SMIM36: variants seen among roughly 807,000 people sequenced by gnomAD.
SMIM36 encodes small integral membrane protein 36.
At chr17:55,484,949 G>A (rs1909579981) in intron 1 of SMIM36, among the ~76,000 whole-genome samples, 1 of 152,190 alleles carries the variant, frequency 6.6e-6, no homozygotes, top group Non-Finnish European at 1.5e-5. Flanking sequence ...ACCAGGTTTG[G>A]ATTCTGATTT....
At position 55,501,161 on chromosome 17, in the gene SMIM36, A is replaced by ATTATATTTTATG. The variant is rs1909938740; in HGVS notation, c.*174+9717_*174+9718insCATAAAATATAA. 4.6e-5 allele frequency among the ~76,000 whole-genome samples: 4 copies of ATTATATTTTATG among 86,374 alleles called. 2 individuals carry two copies. The highest frequency in any genetic ancestry group is 3.9e-4 in the Admixed American group (2 of 5,146). 56.7% of individuals were successfully genotyped at this position (86,374 alleles called of 152,430 possible). Reference sequence around the variant, plus strand: ...ATATATCTTATATTTTATAATATATAATATATCTTATATATTATAATATAT... The same window carrying ATTATATTTTATG: ...ATATATCTTATATTTTATAATATATATTATATTTTATGATATATCTTATATATTATAATATAT... On this transcript the variant is annotated intron_variant, in intron 1 of 4. Coordinates refer to ENST00000636752, the Ensembl canonical transcript of SMIM36.
chr17:55,452,866 T>C (rs1157287017), intron 4 of SMIM36, among the ~76,000 whole-genome samples: 1 of 152,182 alleles, frequency 6.6e-6, no homozygotes, highest in Non-Finnish European at 1.5e-5. Context: ...TAAATAAATT[T>C]TTTAAAAACC....
chr17:55,449,911 T>A (rs1908875926), exon 5 of SMIM36: 1 of 152,214 alleles, frequency 6.6e-6, no homozygotes. Context: ...GATAGATAGA[T>A]GCAATGGATT....
At chr17:55,530,650 G>A in the SMIM36 span, among the ~76,000 whole-genome samples, 27 of 152,118 alleles carry the variant, frequency 1.8e-4, no homozygotes, top group Non-Finnish European at 3.7e-4. Context: ...AGGCATGGTG[G>A]CGGGCGCCTG....
At chr17:55,510,666 T>C (rs1910163405) in intron 1 of SMIM36, among the ~76,000 whole-genome samples, 1 of 152,158 alleles carries the variant, frequency 6.6e-6, no homozygotes, top group Non-Finnish European at 1.5e-5. Context: ...TAGACTAGAC[T>C]GGAGTTAGTC....
At chr17:55,469,214 T>A (rs563209831) in intron 3 of SMIM36, among the ~76,000 whole-genome samples, 1 of 152,168 alleles carries the variant, frequency 6.6e-6, no homozygotes, top group Admixed American at 6.5e-5. Context: ...CCTCCCCTCC[T>A]TACACCCAGT....
intron 1 of SMIM36, among the ~76,000 whole-genome samples, chr17:55,500,149 C>T (rs574005628): frequency 5.3e-5 from 8 of 151,946 alleles, no homozygotes; most frequent in African/African-American, 1.4e-4. Context: ...GAGACAGGGC[C>T]GTGCTCTGTT....
At chr17:55,472,901 A>C (rs892664361) in intron 3 of SMIM36, among the ~76,000 whole-genome samples, 1 of 151,600 alleles carries the variant, frequency 6.6e-6, no homozygotes, top group African/African-American at 2.4e-5. Flanking sequence ...AGAAAAAAGA[A>C]AATGCCTCTG....
At chr17:55,512,938 C>G (rs1048846711), upstream of SMIM36, among the ~76,000 whole-genome samples, 5 of 152,172 alleles carry the variant, frequency 3.3e-5, no homozygotes, top group African/African-American at 4.8e-5. Context: ...CCATGGGAAC[C>G]TGAGCATTTG....
At chr17:55,494,947 C>T (rs1239000488) in intron 1 of SMIM36, among the ~76,000 whole-genome samples, 1 of 152,156 alleles carries the variant, frequency 6.6e-6, no homozygotes, top group Non-Finnish European at 1.5e-5. Flanking sequence ...GGGAAGATGA[C>T]ATTACCTCTC....
intron 1 of SMIM36, among the ~76,000 whole-genome samples, chr17:55,484,707 G>C (rs1909575857): frequency 6.6e-6 from 1 of 152,214 alleles, no homozygotes; most frequent in African/African-American, 2.4e-5. Flanking sequence ...AACTCCCAAT[G>C]GGTAGGCAAC....
At chr17:55,502,139 G>T (rs1247129825) in intron 1 of SMIM36, among the ~76,000 whole-genome samples, 1 of 150,282 alleles carries the variant, frequency 6.7e-6, no homozygotes, top group Admixed American at 6.6e-5. Flanking sequence ...CGGCAGCGAG[G>T]CTGGGGGAGG....
the SMIM36 span, among the ~76,000 whole-genome samples, chr17:55,526,237 G>T: frequency 7.9e-5 from 12 of 152,054 alleles, no homozygotes; most frequent in Admixed American, 3.3e-4. Context: ...TCCACCTCCC[G>T]GCTTCAGGCG....
At chr17:55,524,686 T>C in the SMIM36 span, among the ~76,000 whole-genome samples, 1 of 152,240 alleles carries the variant, frequency 6.6e-6, no homozygotes, top group East Asian at 1.9e-4. Context: ...TTTCTAAGGG[T>C]CCAGTTGTTT....
intron 1 of SMIM36, among the ~76,000 whole-genome samples, chr17:55,493,275 T>G (rs1909744465): frequency 6.6e-6 from 1 of 152,186 alleles, no homozygotes; most frequent in Non-Finnish European, 1.5e-5. Flanking sequence ...TGTTGTTAAT[T>G]AACTCCACTC....
intron 3 of SMIM36, among the ~76,000 whole-genome samples, chr17:55,475,407 C>T (rs1320343327): frequency 2.0e-5 from 3 of 152,034 alleles, no homozygotes; most frequent in Non-Finnish European, 2.9e-5. Flanking sequence ...CGTTCTTATG[C>T]CACCCTCTAA....
the SMIM36 span, among the ~76,000 whole-genome samples, chr17:55,529,329 A>G: frequency 3.2e-3 from 494 of 152,324 alleles, 7 homozygotes; most frequent in South Asian, 0.019. Flanking sequence ...AATATTTCAT[A>G]CTATATATCC....
At chr17:55,477,604 T>C (rs1909446795) in intron 3 of SMIM36, among the ~76,000 whole-genome samples, 1 of 152,154 alleles carries the variant, frequency 6.6e-6, no homozygotes, top group African/African-American at 2.4e-5. Flanking sequence ...CCTCAACATA[T>C]CTTTTTAGGG....
Position 55,510,709 on chromosome 17 carries a change from G to GCACA in SMIM36, c.*174+166_*174+169dup, listed in dbSNP as rs10639655. On this transcript the variant is annotated intron_variant, in intron 1 of 4. Coordinates refer to ENST00000636752, the Ensembl canonical transcript of SMIM36. ...TTATCACACACACGCACGTGCACGTGCACACACACACACACACAATATTGC... is the reference window on the plus strand; with the variant it reads ...TTATCACACACACGCACGTGCACGTGCACACACACACACACACACACAATATTGC... 8.8e-4 allele frequency among the ~76,000 whole-genome samples: 132 copies of GCACA among 150,842 alleles called. 1 individual carries two copies. Among genetic ancestry groups the GCACA allele is most frequent in the African/African-American group, 2.5e-3 (104 of 41,090 alleles).
Sources: gnomAD v4.1 joint callset for allele counts (sites outside exome capture counted in the v4.1 genomes callset) on GRCh38, gnomAD v4.1.1 for gene constraint, MANE v1.5 for transcripts, NCBI Gene and HGNC (gene_info 2026-07-23, HGNC 2026-07-21) for gene names.